USP25: variants seen among roughly 807,000 people sequenced by gnomAD.
USP25 encodes the protein ubiquitin specific peptidase 25.
In USP25, 85 loss-of-function variants were observed where a neutral mutation model predicts 158.5. The ratio of observed to expected loss-of-function variants is 0.54; its 90% CI spans 0.45 to 0.64. The LOEUF (loss-of-function observed/expected upper bound fraction) is 0.64. Ranked by LOEUF, USP25 falls within the 30% of genes least tolerant of loss-of-function variation. The pLI, the probability that USP25 is intolerant of heterozygous loss-of-function variation, is 0.00. For missense variants in USP25, 1,242 were observed against 1,327.3 expected, an observed-to-expected ratio of 0.94 and a Z score of 1.00; for synonymous variants, 464 against 460.4, an observed-to-expected ratio of 1.01 and a Z score of -0.10.
intron 4 of USP25, among the ~76,000 whole-genome samples, chr21:15,782,165 C>T (rs1489029273): frequency 1.3e-5 from 2 of 152,220 alleles, no homozygotes; most frequent in East Asian, 1.9e-4. Context: ...CAGCCCCATG[C>T]GGCCACCAGG....
chr21:15,741,929 T>C (rs1367852437), intron 1 of USP25, among the ~76,000 whole-genome samples: 2 of 152,228 alleles, frequency 1.3e-5, no homozygotes, highest in Admixed American at 1.3e-4. Context: ...TCTTTAACAA[T>C]TAATTGCACA....
chr21:15,877,670 A>T, intron 24 of USP25, 126 bp from the exon 25 acceptor site: 1 of 688,168 alleles, frequency 1.5e-6, no homozygotes, highest in Non-Finnish European at 2.4e-6. Context: ...TGTTTTCTCT[A>T]AATACCGTTT....
At chr21:15,808,988 T>A in intron 8 of USP25, 103 bp downstream of exon 8, 1 of 819,578 alleles carries the variant, frequency 1.2e-6, no homozygotes, top group Non-Finnish European at 1.8e-6. Context: ...CTTATGGGAA[T>A]CCCAGTATTT....
rs1424482435 is a variant in USP25, at chr21:15,791,557, G to A, written c.448G>A (p.Glu150Lys). ...NKACLKRTPT[E>K]VWRDSRNPYD... is the part of the protein sequence containing the mutation. ...AGCATGTTTGAAGAGGACACCTACA[G>A]AAGTTTGGAGGGATTCTCGAAACCC... is the stretch of plus-strand genomic sequence containing the variant. The change falls in exon 5 of 26, where the codon GAA (glutamate) becomes AAA (lysine). Residue 150 changes from glutamate (E) to lysine (K), a missense_variant. Glu to Lys is a moderately conservative substitution (Grantham distance 56). This residue lies in a region of USP25 where 627 missense variants were observed against 701.4 expected (regional missense o/e 0.89). Transcript: ENST00000400183. 6.2e-7 allele frequency: 1 copy of A among 1,611,546 alleles called. No homozygotes were observed. Among genetic ancestry groups the A allele is most frequent in the Non-Finnish European group, 8.5e-7 (1 of 1,178,426 alleles).
chr21:15,823,954 C>T (rs1185032324), intron 10 of USP25, 85 bp from the exon 11 acceptor site: 6 of 1,336,594 alleles, frequency 4.5e-6, no homozygotes, highest in Middle Eastern at 2.1e-4. Flanking sequence ...ATAACAATGT[C>T]AGTGCCCACA....
At position 15,826,158 on chromosome 21, in the gene USP25, T is replaced by G; in HGVS notation, c.1305-46T>G. On this transcript the variant is annotated intron_variant, in intron 12 of 25. Coordinates refer to ENST00000400183, the MANE Select transcript of USP25 (RefSeq NM_001283041.3). The surrounding 1 kb of genome is among the most constrained non-coding windows in gnomAD (Gnocchi z 4.8). ...TATAATAATAATAAAGGCCCAAATA[T>G]GCTGTATATAGAAATAAAAGCATTT... 6.3e-7 allele frequency: 1 copy of G among 1,578,148 alleles called. No homozygotes were observed. Among genetic ancestry groups the G allele is most frequent in the Non-Finnish European group, 8.6e-7 (1 of 1,157,322 alleles).
intron 17 of USP25, among the ~76,000 whole-genome samples, chr21:15,839,980 T>G (rs971754141): frequency 6.6e-6 from 1 of 152,174 alleles, no homozygotes; most frequent in Non-Finnish European, 1.5e-5. Context: ...CTAGTAGCTA[T>G]TGTCTTTTCC....
At position 15,824,049 on chromosome 21, in the gene USP25, C is replaced by T; in HGVS notation, c.1091C>T (p.Thr364Ile). Residue 364 changes from threonine to isoleucine, a missense_variant, in exon 11 of 26, where the codon ACT becomes ATT. Thr to Ile is a moderately conservative substitution (Grantham distance 89). This residue lies in a region of USP25 where 627 missense variants were observed against 701.4 expected (regional missense o/e 0.89). Coordinates refer to ENST00000400183, the MANE Select transcript of USP25 (RefSeq NM_001283041.3). ...SGKSGQEHWF[T>I]ELPPVLTFEL... The stretch of plus-strand genomic sequence containing the variant: ...TTTATTTCCTTTCAGCATTGGTTTA[C>T]TGAATTACCACCTGTGTTAACATTT... The T allele has an allele frequency of 6.2e-7, 1 of 1,612,720 alleles. No individual in the cohort carries two copies. Among genetic ancestry groups the T allele is most frequent in the Non-Finnish European group, 8.5e-7 (1 of 1,179,338 alleles).
intron 23 of USP25, 38 bp from the exon 24 acceptor site, chr21:15,874,365 G>A: frequency 8.4e-6 from 13 of 1,545,166 alleles, no homozygotes; most frequent in Non-Finnish European, 1.1e-5. Context: ...CTACAAAGGT[G>A]AAATACTAAT....
intron 9 of USP25, among the ~76,000 whole-genome samples, chr21:15,812,968 C>G (rs1205024127): frequency 2.0e-5 from 3 of 152,130 alleles, no homozygotes; most frequent in African/African-American, 7.2e-5. Flanking sequence ...CAGCCCTTCT[C>G]TGTACTTCAC....
At chr21:15,734,741 T>C (rs973598589) in intron 1 of USP25, among the ~76,000 whole-genome samples, 4 of 152,298 alleles carry the variant, frequency 2.6e-5, no homozygotes, top group Middle Eastern at 3.4e-3. Flanking sequence ...CCTTATAATA[T>C]GGAAATTTTC....
intron 15 of USP25, 125 bp from the exon 16 acceptor site, chr21:15,831,276 T>C (rs998263175): frequency 2.5e-6 from 2 of 804,078 alleles, no homozygotes; most frequent in South Asian, 3.6e-5. Flanking sequence ...CAGCCAGTTC[T>C]CTCTCATTTA....
chr21:15,846,157 TA>T (rs1360390774), intron 18 of USP25, among the ~76,000 whole-genome samples: 6,764 of 31,130 alleles, frequency 0.22, 851 homozygotes, highest in Non-Finnish European at 0.23. Flanking sequence ...TATATATATA[TA>T]TTTTTTTTTT....
At chr21:15,818,562 A>G in intron 9 of USP25, 136 bp from the exon 10 acceptor site, 1 of 731,052 alleles carries the variant, frequency 1.4e-6, no homozygotes, top group Non-Finnish European at 2.2e-6. Context: ...CAACAGGAAA[A>G]TTAACACTAA....
At chr21:15,838,318 A>G (rs1473535520) in intron 17 of USP25, among the ~76,000 whole-genome samples, 1 of 152,096 alleles carries the variant, frequency 6.6e-6, no homozygotes, top group Non-Finnish European at 1.5e-5. Flanking sequence ...TAATAAGTTC[A>G]TTCCCTATGG....
chr21:15,756,285 T>G (rs2033371397), intron 1 of USP25, among the ~76,000 whole-genome samples: 1 of 152,134 alleles, frequency 6.6e-6, no homozygotes, highest in African/African-American at 2.4e-5. Flanking sequence ...AACCTCTCCC[T>G]GTGCTTTGGA....
chr21:15,739,023 G>A (rs1296380432), intron 1 of USP25, among the ~76,000 whole-genome samples: 1 of 152,096 alleles, frequency 6.6e-6, no homozygotes, highest in South Asian at 2.1e-4. Context: ...TGCTCACCCC[G>A]GGAGCTCGGC....
At chr21:15,743,447 C>T (rs367967190) in intron 1 of USP25, among the ~76,000 whole-genome samples, 13 of 152,044 alleles carry the variant, frequency 8.6e-5, no homozygotes, top group Admixed American at 3.3e-4. Flanking sequence ...TGAGAGGGGA[C>T]GTGAAGTGGA....
chr21:15,808,974 C>G, intron 8 of USP25, 89 bp downstream of exon 8: 1 of 955,224 alleles, frequency 1.0e-6, no homozygotes. Context: ...GAAATCAAGA[C>G]AGACTTATGG....
Sources: allele counts gnomAD v4.1 joint callset (sites outside exome capture counted in the v4.1 genomes callset), GRCh38; gene constraint gnomAD v4.1.1; regional missense constraint gnomAD v4.1.1; non-coding constraint Gnocchi (gnomAD v3.1); transcripts MANE v1.5; gene names NCBI Gene and HGNC (gene_info 2026-07-23, HGNC 2026-07-21).